The following TBXAS1 variants were observed in gnomAD, a reference collection of about 807,000 sequenced individuals.
TBXAS1 encodes thromboxane A synthase 1.
Under a neutral mutation model 60.7 loss-of-function variants are expected in TBXAS1, and 48 were observed. The observed-to-expected ratio is 0.79, with a 90% confidence interval of 0.63 to 1.01. TBXAS1 has a LOEUF of 1.01. TBXAS1 is among the 50% of genes least tolerant of loss of function. The probability of loss-of-function intolerance (pLI) is 0.00; values close to 1 mark genes in which losing one functional copy is unlikely to be tolerated. For missense variants in TBXAS1, 685 were observed against 686.3 expected (o/e 1.00, Z 0.02); for synonymous variants, 287 against 269.7 (o/e 1.06, Z -0.63).
rs1214747904 is a variant in TBXAS1 at position 139,778,727 on chromosome 7, ACT to A, written c.-318+261_-318+262del. On this transcript the variant is annotated intron_variant, in intron 1 of 16. Transcript: ENST00000336425. This position sits in a 1 kb window ranked among gnomAD's most constrained non-coding sequence, Gnocchi z 4.8. ...TCCATCACTTGAATGGGAGCTCACAACTCTCTGGGTCCTCGCTTTTCTCAGCG... is the reference window on the plus strand; with the variant it reads ...TCCATCACTTGAATGGGAGCTCACAACTCTGGGTCCTCGCTTTTCTCAGCG... Among the ~76,000 whole-genome samples, 1 of 151,220 alleles carries A rather than the reference ACT, an allele frequency of 6.6e-6. No individual in the cohort carries two copies. Among genetic ancestry groups the A allele is most frequent in the Non-Finnish European group, 1.5e-5 (1 of 67,836 alleles).
At chr7:139,846,725 A>C (rs1345191933) in intron 1 of TBXAS1, among the ~76,000 whole-genome samples, 1 of 152,202 alleles carries the variant, frequency 6.6e-6, no homozygotes, top group African/African-American at 2.4e-5. Context: ...ATAATCCTGG[A>C]CTTATACCAC....
intron 4 of TBXAS1, chr7:139,797,435 T>A (rs1797602757): frequency 3.3e-5 from 5 of 152,188 alleles, no homozygotes; most frequent in Admixed American, 3.3e-4. Context: ...CCTGCATTGA[T>A]CCTCACATAG....
intron 3 of TBXAS1, among the ~76,000 whole-genome samples, chr7:139,897,370 G>A (rs935400078): frequency 6.6e-6 from 1 of 151,634 alleles, no homozygotes; most frequent in African/African-American, 2.4e-5. Context: ...CAGGCGGGGG[G>A]AATAAGGAGG....
chr7:140,012,476 T>TG (rs1554508730), intron 10 of TBXAS1, among the ~76,000 whole-genome samples: 30 of 150,130 alleles, frequency 2.0e-4, no homozygotes, highest in East Asian at 8.0e-4. Context: ...TTTTTTTTTT[T>TG]TTTTGAGACG....
At chr7:139,902,359 T>C (rs1342911080) in intron 3 of TBXAS1, among the ~76,000 whole-genome samples, 3 of 152,136 alleles carry the variant, frequency 2.0e-5, no homozygotes, top group Admixed American at 1.3e-4. Context: ...AACAGAATCA[T>C]ACAGCATGTA....
At chr7:139,783,526 G>T (rs1797066818) in intron 3 of TBXAS1, among the ~76,000 whole-genome samples, 1 of 152,178 alleles carries the variant, frequency 6.6e-6, no homozygotes, top group African/African-American at 2.4e-5. Flanking sequence ...GTGATTATGG[G>T]AGGTAGGTAA....
intron 3 of TBXAS1, 68 bp downstream of exon 3, chr7:139,875,705 A>T (rs761193712): frequency 2.6e-6 from 4 of 1,549,930 alleles, no homozygotes; most frequent in Non-Finnish European, 3.5e-6. Flanking sequence ...TTTGATTTTC[A>T]CGTGTTGAAC....
At position 139,934,898 on chromosome 7, in the gene TBXAS1, C is replaced by T. The variant is rs758040373; in HGVS notation, c.334-1293C>T. Among the ~76,000 whole-genome samples the T allele has an allele frequency of 6.6e-5, 10 of 152,286 alleles. No homozygotes were observed. The South Asian group carries it at 1.0e-3, about 16-fold the overall frequency. ...CGCAATCTCAGCTCACTGCAACCTC[C>T]GCCTCCTGGGTTTGAGCAATTCTCC... is the stretch of plus-strand genomic sequence containing the variant. On this transcript the variant is annotated intron_variant, in intron 4 of 12. Transcript: ENST00000448866.
At chr7:139,878,168 A>G (rs1802400716) in intron 3 of TBXAS1, among the ~76,000 whole-genome samples, 1 of 151,672 alleles carries the variant, frequency 6.6e-6, no homozygotes, top group Non-Finnish European at 1.5e-5. Flanking sequence ...AAAAAGAGAG[A>G]GAGAGAAAAG....
chr7:139,828,727 C>T (rs1224442819), upstream of TBXAS1, among the ~76,000 whole-genome samples: 1 of 152,154 alleles, frequency 6.6e-6, no homozygotes, highest in Non-Finnish European at 1.5e-5. Flanking sequence ...TTGAGAAGCC[C>T]TCCAACTCAC....
intron 1 of TBXAS1, among the ~76,000 whole-genome samples, chr7:139,831,658 G>A (rs762411973): frequency 4.6e-5 from 7 of 152,312 alleles, no homozygotes; most frequent in South Asian, 2.1e-4. Context: ...TGGGCTGGGC[G>A]CGGTGGCTCA....
At chr7:139,991,169 G>T (rs1341083604) in intron 9 of TBXAS1, among the ~76,000 whole-genome samples, 1 of 152,178 alleles carries the variant, frequency 6.6e-6, no homozygotes, top group Non-Finnish European at 1.5e-5. Context: ...TTTCGATTTT[G>T]TTCCAAAACC....
intron 1 of TBXAS1, among the ~76,000 whole-genome samples, chr7:139,853,069 C>T (rs1371491558): frequency 6.6e-6 from 1 of 152,110 alleles, no homozygotes; most frequent in Non-Finnish European, 1.5e-5. Flanking sequence ...CCCCTCTGGG[C>T]TCAAACTTTA....
intron 9 of TBXAS1, among the ~76,000 whole-genome samples, chr7:139,983,706 C>T (rs1812124135): frequency 6.6e-6 from 1 of 152,204 alleles, no homozygotes; most frequent in African/African-American, 2.4e-5. Context: ...TCTGGATCCT[C>T]TCCAGGAGCC....
At chr7:139,902,192 C>A (rs796788720) in intron 3 of TBXAS1, among the ~76,000 whole-genome samples, 5 of 151,634 alleles carry the variant, frequency 3.3e-5, no homozygotes, top group African/African-American at 1.2e-4. Flanking sequence ...TCTGTGTAAC[C>A]CCCACCACAG....
At chr7:139,954,640 C>A (rs1569518867) in intron 6 of TBXAS1, among the ~76,000 whole-genome samples, 1 of 152,062 alleles carries the variant, frequency 6.6e-6, no homozygotes, top group African/African-American at 2.4e-5. Flanking sequence ...TATTAATAAC[C>A]CAGTTTTTAG....
intron 1 of TBXAS1, among the ~76,000 whole-genome samples, chr7:139,865,268 TGAG>T (rs1430516103): frequency 6.6e-6 from 1 of 152,148 alleles, no homozygotes; most frequent in Admixed American, 6.5e-5. Context: ...ACATCTGCCT[TGAG>T]GCGTGATTTA....
chr7:140,016,705 T>C (rs1231290892), intron 11 of TBXAS1: 1 of 157,134 alleles, frequency 6.4e-6, no homozygotes, highest in African/African-American at 2.4e-5. Flanking sequence ...ATTGGAAACA[T>C]CTGAGCAGGC....
intron 3 of TBXAS1, among the ~76,000 whole-genome samples, chr7:139,901,936 A>T (rs189045627): frequency 3.3e-5 from 5 of 152,078 alleles, no homozygotes; most frequent in African/African-American, 7.2e-5. Context: ...CTTTTTAAAA[A>T]TTTTTAATTT....
Sources: allele counts gnomAD v4.1 joint callset (sites outside exome capture counted in the v4.1 genomes callset), GRCh38; gene constraint gnomAD v4.1.1; non-coding constraint Gnocchi (gnomAD v3.1); transcripts MANE v1.5; gene names NCBI Gene and HGNC (gene_info 2026-07-23, HGNC 2026-07-21).